GJC1: variants seen among roughly 807,000 people sequenced by gnomAD.
The protein encoded by GJC1 is gap junction protein gamma 1, also known as gap junction gamma-1 protein.
A neutral mutation model predicts 29.3 loss-of-function variants in GJC1; 5 were observed. The ratio of observed to expected loss-of-function variants is 0.17; its 90% CI spans 0.09 to 0.36. The LOEUF (loss-of-function observed/expected upper bound fraction) is 0.36. Ranked by LOEUF, GJC1 falls within the 10% of genes least tolerant of loss-of-function variation. The probability of loss-of-function intolerance (pLI) is 1.00; values close to 1 mark genes in which losing one functional copy is unlikely to be tolerated. For missense variants in GJC1, 310 were observed against 496.2 expected (o/e 0.62, Z 3.56); for synonymous variants, 177 against 183.3 (o/e 0.97, Z 0.28).
chr17:44,828,924 T>C (rs1290649359), intron 1 of GJC1, among the ~76,000 whole-genome samples: 2 of 151,970 alleles, frequency 1.3e-5, no homozygotes, highest in Non-Finnish European at 2.9e-5. Flanking sequence ...GATATGCTGT[T>C]TCCTGCTTAT....
chr17:44,825,861 C>A (rs1340053710), intron 1 of GJC1, among the ~76,000 whole-genome samples: 1 of 151,954 alleles, frequency 6.6e-6, no homozygotes, highest in Non-Finnish European at 1.5e-5. Flanking sequence ...AGCATTATAG[C>A]CTCAAAGAAC....
rs1476768979 is a variant in GJC1 at position 44,801,479 on chromosome 17, AG to A, written c.*3147del. On this transcript the variant is annotated 3_prime_UTR_variant, in exon 3 of 3. Coordinates refer to ENST00000592524, the MANE Select transcript of GJC1 (RefSeq NM_005497.4). ...AAACAGTATGATTCTGATGCGAGTG[AG>A]AACTAAATGTTGGACAGGCTTTTTA... is the stretch of plus-strand genomic sequence containing the variant. 1.3e-5 allele frequency: 2 copies of A among 152,208 alleles called. No homozygotes were observed. The highest frequency in any genetic ancestry group is 4.8e-5 in the African/African-American group (2 of 41,450). 9.4% of individuals were successfully genotyped at this position (152,208 alleles called of 1,614,324 possible). A position where few individuals can be genotyped will look rare whatever the true frequency, so the allele number is the denominator to read the frequency against.
chr17:44,804,503 G>A lies in GJC1; in HGVS notation c.*124C>T. Reference sequence around the variant, plus strand: ...CCGCCTCCAGAGTCCCCTGAGCTTGGATCATGAGCCAACAGCATCCCTGAA... The same window carrying A: ...CCGCCTCCAGAGTCCCCTGAGCTTGAATCATGAGCCAACAGCATCCCTGAA... On this transcript the variant is annotated 3_prime_UTR_variant, in exon 3 of 3. Transcript: ENST00000592524. The A allele has an allele frequency of 1.3e-6, 1 of 776,772 alleles. No individual in the cohort carries two copies. The highest frequency in any genetic ancestry group is 2.1e-6 in the Non-Finnish European group (1 of 476,056). 48.1% of individuals were successfully genotyped at this position (776,772 alleles called of 1,614,324 possible).
chr17:44,815,713 T>C (rs1003038235), intron 1 of GJC1, among the ~76,000 whole-genome samples: 4 of 152,194 alleles, frequency 2.6e-5, no homozygotes, highest in Admixed American at 1.3e-4. Flanking sequence ...TGATATAGTA[T>C]AGACATTGAT....
At position 44,805,640 on chromosome 17, in the gene GJC1, A is replaced by C. The variant is rs189511236; in HGVS notation, c.178T>G (p.Cys60Gly). 1 of 1,614,214 alleles carries C rather than the reference A, an allele frequency of 6.2e-7. No homozygotes were observed. Among genetic ancestry groups the C allele is most frequent in the East Asian group, 2.2e-5 (1 of 44,886 alleles). The change falls in exon 3 of 3, where the codon TGT becomes GGT. Residue 60 changes from cysteine (C) to glycine (G), a missense_variant. By Grantham distance (159) the Cys-to-Gly change is radical (BLOSUM62 -3). Around this residue, in one of 4 missense-constraint regions of GJC1, gnomAD observed 37 missense variants for 104.2 expected, o/e 0.35. Coordinates refer to ENST00000592524, the MANE Select transcript of GJC1 (RefSeq NM_005497.4). The surrounding 1 kb of genome is among the most constrained non-coding windows in gnomAD (Gnocchi z 5.1). ...KFVCNTEQPG[C>G]ENVCYDAFAP... ...AACGCATCATAACAGACATTCTCAC[A>C]GCCCGGCTGTTCTGTGTTGCACACA...
At chr17:44,815,783 AT>A (rs932527833) in intron 1 of GJC1, among the ~76,000 whole-genome samples, 16 of 147,422 alleles carry the variant, frequency 1.1e-4, no homozygotes, top group South Asian at 2.2e-4. Flanking sequence ...AAATTTTATT[AT>A]TTTTATAGAA....
At chr17:44,826,319 TC>T (rs1354148462) in intron 1 of GJC1, among the ~76,000 whole-genome samples, 1 of 152,020 alleles carries the variant, frequency 6.6e-6, no homozygotes, top group African/African-American at 2.4e-5. Context: ...GATCATGAGA[TC>T]AGGAGATCGA....
rs1003387786 is a variant in GJC1 at position 44,802,335 on chromosome 17, T to G, written c.*2292A>C. The G allele has an allele frequency of 6.6e-6, 1 of 152,212 alleles. No individual in the cohort carries two copies. The highest frequency in any genetic ancestry group is 1.5e-5 in the Non-Finnish European group (1 of 68,034). The allele number at this position is 152,212 out of a possible 1,614,324, so 9.4% of individuals were successfully genotyped here. On this transcript the variant is annotated 3_prime_UTR_variant, in exon 3 of 3. Transcript: ENST00000592524. The stretch of plus-strand genomic sequence containing the variant: ...AGCCACTCTCTTCTCCCTCAGGCTC[T>G]GAAGAGATAACACAAATGTATGGAC...
rs530186424 is a variant in GJC1, at chr17:44,802,916, T to C, written c.*1711A>G. ...TAATCAAGAGGCTGAGGTGGAATGA[T>C]TGCTTGAGCCTGGGAGGCAGAGGCT... On this transcript the variant is annotated 3_prime_UTR_variant, in exon 3 of 3. Coordinates refer to ENST00000592524, the MANE Select transcript of GJC1 (RefSeq NM_005497.4). 1 of 152,208 alleles carries C rather than the reference T, an allele frequency of 6.6e-6. No homozygotes were observed. The highest frequency in any genetic ancestry group is 2.4e-5 in the African/African-American group (1 of 41,526). The allele number at this position is 152,208 out of a possible 1,614,324, so 9.4% of individuals were successfully genotyped here.
At chr17:44,822,084 C>A (rs536012957) in intron 1 of GJC1, among the ~76,000 whole-genome samples, 263 of 149,516 alleles carry the variant, frequency 1.8e-3, no homozygotes, top group African/African-American at 6.2e-3. Flanking sequence ...GTAGTCCCAG[C>A]TACTTGGGAG....
intron 1 of GJC1, among the ~76,000 whole-genome samples, chr17:44,821,170 T>C (rs1171183114): frequency 2.0e-5 from 3 of 152,102 alleles, no homozygotes; most frequent in Non-Finnish European, 4.4e-5. Flanking sequence ...TGGAGAAGTA[T>C]GAGGAACCTG....
rs1597737859 is a variant in GJC1, at chr17:44,801,591, C to T, written c.*3036G>A. On this transcript the variant is annotated 3_prime_UTR_variant, in exon 3 of 3. Transcript: ENST00000592524. ...AATGGGTTAGCTAGACATCAACAGG[C>T]TCACTTTCTTTTTTTCTTTTTTTTT... The T allele has an allele frequency of 6.6e-6, 1 of 151,558 alleles. No individual in the cohort carries two copies. The highest frequency in any genetic ancestry group is 1.9e-4 in the East Asian group (1 of 5,184). The allele number at this position is 151,558 out of a possible 1,614,324, so 9.4% of individuals were successfully genotyped here. A position where few individuals can be genotyped will look rare whatever the true frequency, so the allele number is the denominator to read the frequency against.
At chr17:44,827,336 AAAAC>A (rs950201859) in intron 1 of GJC1, among the ~76,000 whole-genome samples, 4 of 150,034 alleles carry the variant, frequency 2.7e-5, no homozygotes, top group East Asian at 2.0e-4. Flanking sequence ...CTCCGTCTCA[AAAAC>A]AAACAAACAA....
In GJC1 at chr17:44,816,128, A is replaced by AG. The variant is rs1264101281; in HGVS notation, c.-96-8660_-96-8659insC. 2.1e-3 allele frequency among the ~76,000 whole-genome samples: 316 copies of AG among 151,112 alleles called. 1 individual carries two copies. The highest frequency in any genetic ancestry group is 7.1e-3 in the African/African-American group (294 of 41,262). ...ACTCCGTCTCAAAAAAAAAAAAAAA[A>AG]AAAAAAAAAAGTTGCTTTTTTCTAG... On this transcript the variant is annotated intron_variant, in intron 1 of 2. Coordinates refer to ENST00000592524, the MANE Select transcript of GJC1 (RefSeq NM_005497.4).
rs1372301414 is a variant in GJC1 at position 44,805,020 on chromosome 17, C to T, written c.798G>A (p.Arg266=). The T allele has an allele frequency of 8.7e-6, 14 of 1,613,926 alleles. No individual in the cohort carries two copies. The highest frequency in any genetic ancestry group is 1.1e-5 in the Non-Finnish European group (13 of 1,180,052). ...GTIRDSLNSK[R]RELEDPGAYN... ...AAGCACCCGGATCCTCAAGTTCCCT[C>T]CTTTTACTGTTTAGTGAGTCTCGAA... Residue 266 remains arginine (R), a synonymous_variant, in exon 3 of 3, where the codon AGG becomes AGA. Transcript: ENST00000592524. This position sits in a 1 kb window ranked among gnomAD's most constrained non-coding sequence, Gnocchi z 5.1.
rs1469481119 is a variant in GJC1, at chr17:44,800,843, C to G, written c.*3784G>C. On this transcript the variant is annotated 3_prime_UTR_variant, in exon 3 of 3. Coordinates refer to ENST00000592524, the MANE Select transcript of GJC1 (RefSeq NM_005497.4). ...CGTAACACTTCTGAGATGTACATGG[C>G]TCCTGAAACTTGAAAACAAAGCCAC... The G allele has an allele frequency of 4.0e-5, 6 of 151,256 alleles. No homozygotes were observed. The East Asian group carries it at 1.2e-3, about 29-fold the overall frequency. 9.4% of individuals were successfully genotyped at this position (151,256 alleles called of 1,614,324 possible).
At chr17:44,827,853 G>C (rs896838926) in intron 1 of GJC1, among the ~76,000 whole-genome samples, 6 of 139,136 alleles carry the variant, frequency 4.3e-5, no homozygotes, top group Non-Finnish European at 7.8e-5. Context: ...GACAGAGCAA[G>C]ACTCCATCTC....
chr17:44,823,653 A>G (rs2050137819), intron 1 of GJC1, among the ~76,000 whole-genome samples: 1 of 151,006 alleles, frequency 6.6e-6, no homozygotes, highest in East Asian at 1.9e-4. Context: ...TCCTCCTGCC[A>G]TGACCTCCAG....
chr17:44,810,107 C>T (rs1263001329), intron 1 of GJC1, among the ~76,000 whole-genome samples: 1 of 151,784 alleles, frequency 6.6e-6, no homozygotes, highest in African/African-American at 2.4e-5. Flanking sequence ...CGTGATCCAC[C>T]CGCCTCGGCC....
Sources: allele counts gnomAD v4.1 joint callset (sites outside exome capture counted in the v4.1 genomes callset), GRCh38; gene constraint gnomAD v4.1.1; regional missense constraint gnomAD v4.1.1; non-coding constraint Gnocchi (gnomAD v3.1); transcripts MANE v1.5; gene names NCBI Gene and HGNC (gene_info 2026-07-23, HGNC 2026-07-21).